The following ADGRG2 variants were observed in gnomAD, a reference collection of about 807,000 sequenced individuals.
ADGRG2 encodes the protein adhesion G protein-coupled receptor G2.
ADGRG2 carries 26 observed loss-of-function variants against 74.1 expected under a neutral mutation model. The ratio of observed to expected loss-of-function variants is 0.35; its 90% CI spans 0.26 to 0.49. The LOEUF (loss-of-function observed/expected upper bound fraction) is 0.49. Ranked by LOEUF, ADGRG2 falls within the 20% of genes least tolerant of loss-of-function variation. The pLI is 0.99. For missense variants in ADGRG2, 619 were observed against 763.1 expected (o/e 0.81, Z 2.22); for synonymous variants, 296 against 295.2 (o/e 1.00, Z -0.03).
intron 3 of ADGRG2, among the ~76,000 whole-genome samples, chrX:19,061,833 T>C (rs2061493770): frequency 1.8e-5 from 2 of 112,064 alleles, no homozygotes; most frequent in South Asian, 7.5e-4. Context: ...AGGGCCTTTC[T>C]GGCAGCAGGG....
intron 1 of ADGRG2, among the ~76,000 whole-genome samples, chrX:19,092,057 T>C (rs1014091193): frequency 5.4e-5 from 6 of 112,147 alleles, no homozygotes; most frequent in African/African-American, 1.3e-4. Flanking sequence ...AGCAGCTGCA[T>C]GTGAACTAGA....
At position 19,068,735 on chromosome X, in the gene ADGRG2, G is replaced by A. The variant is rs147773223; in HGVS notation, c.100C>T (p.Leu34=). Residue 34 remains leucine, a synonymous_variant, in exon 3 of 29, where the codon CTG becomes TTG. Coordinates refer to ENST00000379869, the MANE Select transcript of ADGRG2 (RefSeq NM_001079858.3). ...ACATTACCTTCCAGGGATGTTACCAGAACGACATGAAGACAAATGATGACA... is the reference window on the plus strand; with the variant it reads ...ACATTACCTTCCAGGGATGTTACCAAAACGACATGAAGACAAATGATGACA... The part of the protein sequence containing the change: ...FLVIICLHVV[L]VTSLEEDTDN... 60 of 1,072,798 alleles carry A rather than the reference G, an allele frequency of 5.6e-5. No homozygotes were observed. The African/African-American group carries it at 9.1e-4, about 16-fold the overall frequency. The allele number at this position is 1,072,798 out of a possible 1,213,427, so 88.4% of individuals were successfully genotyped here.
intron 3 of ADGRG2, among the ~76,000 whole-genome samples, chrX:19,066,868 C>CT (rs1438243189): frequency 9.0e-6 from 1 of 111,431 alleles, no homozygotes; most frequent in Non-Finnish European, 1.9e-5. Flanking sequence ...GTTCCATGAA[C>CT]TTCTAAAGAT....
chrX:19,102,525 T>G (rs1850679032), intron 1 of ADGRG2, among the ~76,000 whole-genome samples: 1 of 109,334 alleles, frequency 9.1e-6, no homozygotes, highest in African/African-American at 3.3e-5. Context: ...CCAGGTTCTG[T>G]GCTCATTTAA....
chrX:19,019,815 T>C (rs1366941545), intron 14 of ADGRG2, 150 bp from the exon 15 acceptor site: 4 of 426,528 alleles, frequency 9.4e-6, no homozygotes, highest in African/African-American at 5.0e-5. Context: ...TTGGACGCCA[T>C]TGTATTGACA....
At chrX:19,108,360 G>A (rs780933954) in intron 1 of ADGRG2, among the ~76,000 whole-genome samples, 2 of 111,328 alleles carry the variant, frequency 1.8e-5, no homozygotes, top group Non-Finnish European at 3.8e-5. Context: ...ATTGCATTCA[G>A]AGGAGAAAAT....
chrX:19,048,432 AAG>A (rs1019434174), intron 3 of ADGRG2, among the ~76,000 whole-genome samples: 10 of 111,724 alleles, frequency 9.0e-5, no homozygotes, highest in African/African-American at 3.3e-4. Flanking sequence ...AATGGAGGAA[AAG>A]AGCAGTCAAG....
In ADGRG2 at chrX:19,007,247, G is replaced by A; in HGVS notation, c.1677C>T (p.Ile559=). The A allele has an allele frequency of 1.7e-6, 2 of 1,211,099 alleles. No homozygotes were observed. Among genetic ancestry groups the A allele is most frequent in the Non-Finnish European group, 2.2e-6 (2 of 894,890 alleles). Reference sequence around the variant, plus strand: ...GGCCTCTCCCCACCTGGCTCGGGTTGATGTGCTTTAATGTGACTGTCACGT... The same window carrying A: ...GGCCTCTCCCCACCTGGCTCGGGTTAATGTGCTTTAATGTGACTGTCACGT... ...TRNVTVTLKH[I]NPSQDELTVR... is the part of the protein sequence containing the mutation. The change falls in exon 20 of 29, where the codon ATC becomes ATT. Residue 559 remains isoleucine (I), a synonymous_variant. Coordinates refer to ENST00000379869, the MANE Select transcript of ADGRG2 (RefSeq NM_001079858.3).
chrX:19,113,055 G>C (rs2062444420), intron 1 of ADGRG2, among the ~76,000 whole-genome samples: 1 of 104,555 alleles, frequency 9.6e-6, no homozygotes, highest in Non-Finnish European at 1.9e-5. Flanking sequence ...CAGACTAAAA[G>C]AGACTAAGAG....
At chrX:19,083,464 A>C (rs2061887802) in intron 1 of ADGRG2, among the ~76,000 whole-genome samples, 1 of 110,638 alleles carries the variant, frequency 9.0e-6, no homozygotes, top group East Asian at 2.9e-4. Context: ...ACATTTCTTC[A>C]TGTGTTTGTG....
At chrX:19,106,824 G>A (rs1322864655) in intron 1 of ADGRG2, among the ~76,000 whole-genome samples, 2 of 109,624 alleles carry the variant, frequency 1.8e-5, no homozygotes, top group East Asian at 5.8e-4. Context: ...GGAGGCTGAG[G>A]CATGAGAATC....
chrX:19,020,954 CA>C (rs759719047), intron 14 of ADGRG2, 149 bp downstream of exon 14: 1,486 of 369,127 alleles, frequency 4.0e-3, no homozygotes, highest in Non-Finnish European at 4.5e-3. Flanking sequence ...GACTCTGCCT[CA>C]AAAAAAAAAG....
At chrX:18,993,086 C>T (rs2059951960) in intron 28 of ADGRG2, among the ~76,000 whole-genome samples, 1 of 111,950 alleles carries the variant, frequency 8.9e-6, no homozygotes, top group East Asian at 2.8e-4. Context: ...AGCTTGCTTT[C>T]TGGTATCGAC....
At chrX:18,998,440 A>G (rs2060059117) in intron 26 of ADGRG2, among the ~76,000 whole-genome samples, 1 of 111,152 alleles carries the variant, frequency 9.0e-6, no homozygotes, top group African/African-American at 3.3e-5. Context: ...GAATAAGGAG[A>G]AAAAAACACC....
intron 1 of ADGRG2, among the ~76,000 whole-genome samples, chrX:19,112,635 T>C (rs1350132472): frequency 1.0e-5 from 1 of 97,718 alleles, no homozygotes; most frequent in Non-Finnish European, 2.0e-5. Context: ...AAACCAGACA[T>C]GATTAATGTT....
intron 1 of ADGRG2, among the ~76,000 whole-genome samples, chrX:19,087,360 G>A (rs748926762): frequency 8.9e-6 from 1 of 112,903 alleles, no homozygotes; most frequent in Non-Finnish European, 1.9e-5. Context: ...GGGCACCAGC[G>A]AGCCTGAATC....
intron 3 of ADGRG2, among the ~76,000 whole-genome samples, chrX:19,061,594 T>G (rs897982251): frequency 8.9e-6 from 1 of 111,831 alleles, no homozygotes; most frequent in Non-Finnish European, 1.9e-5. Context: ...ACACCAAAAA[T>G]TCCTGAGCTG....
chrX:19,016,726 C>T (rs1040800134), intron 15 of ADGRG2, among the ~76,000 whole-genome samples: 1 of 80,284 alleles, frequency 1.2e-5, no homozygotes, highest in Non-Finnish European at 2.3e-5. Context: ...TTTTTAAATT[C>T]ATTCATTCAT....
At chrX:19,052,449 A>C (rs1186788187) in intron 3 of ADGRG2, among the ~76,000 whole-genome samples, 4 of 111,318 alleles carry the variant, frequency 3.6e-5, no homozygotes, top group Non-Finnish European at 7.5e-5. Context: ...CAGATGATCA[A>C]GTAATGAAAG....
Sources: gnomAD v4.1 joint callset for allele counts (sites outside exome capture counted in the v4.1 genomes callset) on GRCh38, gnomAD v4.1.1 for gene constraint, MANE v1.5 for transcripts, NCBI Gene and HGNC (gene_info 2026-07-23, HGNC 2026-07-21) for gene names.